The following ZFPM2 variants were observed in gnomAD, a reference collection of about 807,000 sequenced individuals.
ZFPM2 encodes zinc finger protein ZFPM2.
In ZFPM2, 20 loss-of-function variants were observed where a neutral mutation model predicts 98.6. The observed-to-expected ratio is 0.20, with a 90% CI of 0.14 to 0.29. ZFPM2 has a LOEUF of 0.29. Among genes scored for constraint, ZFPM2 ranks in the 10% least tolerant of loss-of-function variants. ZFPM2 has a pLI of 1.00. For missense variants in ZFPM2, 1,310 were observed against 1,388.6 expected (o/e 0.94, Z 0.90); for synonymous variants, 518 against 502.7 (o/e 1.03, Z -0.41).
chr8:105,430,043 T>G (rs1272176318), intron 2 of ZFPM2, among the ~76,000 whole-genome samples: 1 of 152,184 alleles, frequency 6.6e-6, no homozygotes, highest in Non-Finnish European at 1.5e-5. Context: ...TGGGTGTCGC[T>G]TCAGAATTCT....
At chr8:105,549,601 C>G (rs957589471) in intron 3 of ZFPM2, among the ~76,000 whole-genome samples, 2 of 114,630 alleles carry the variant, frequency 1.7e-5, no homozygotes, top group African/African-American at 7.3e-5. Context: ...CTTCCTCTAT[C>G]TCTCTCTCTC....
At position 105,524,501 on chromosome 8, in the gene ZFPM2, T is replaced by A. The variant is rs768356521; in HGVS notation, c.302-36862T>A. Among the ~76,000 whole-genome samples, 630 of 148,846 alleles carry A rather than the reference T, an allele frequency of 4.2e-3. 1 individual carries two copies. Among genetic ancestry groups the A allele is most frequent in the African/African-American group, 0.014 (549 of 39,664 alleles). ...GTGTGTGTGTTTCTCTCTCTCTCTC[T>A]CACACACACACACACACTGAAACTA... On this transcript the variant is annotated intron_variant, in intron 3 of 7. Coordinates refer to ENST00000407775, the MANE Select transcript of ZFPM2 (RefSeq NM_012082.4).
chr8:105,586,156 A>C (rs1713946169), intron 4 of ZFPM2, among the ~76,000 whole-genome samples: 1 of 152,132 alleles, frequency 6.6e-6, no homozygotes, highest in Non-Finnish European at 1.5e-5. Context: ...GTTGTCCAGT[A>C]AGAATGAAAT....
chr8:105,623,343 A>G (rs1816592289), intron 4 of ZFPM2, among the ~76,000 whole-genome samples: 1 of 152,082 alleles, frequency 6.6e-6, no homozygotes, highest in Non-Finnish European at 1.5e-5. Context: ...TTTGCCATAG[A>G]CTTCTTCCAT....
chr8:105,483,833 A>C (rs1256866739), intron 3 of ZFPM2, among the ~76,000 whole-genome samples: 7 of 149,760 alleles, frequency 4.7e-5, no homozygotes, highest in Non-Finnish European at 1.0e-4. Context: ...TCCCAGGTGC[A>C]TGCCATTCTC....
chr8:105,639,972 AATG>A (rs533656863), intron 5 of ZFPM2, among the ~76,000 whole-genome samples: 55 of 152,120 alleles, frequency 3.6e-4, no homozygotes, highest in African/African-American at 1.2e-3. Context: ...TAAAGATGAA[AATG>A]ATGATATTAT....
intron 1 of ZFPM2, among the ~76,000 whole-genome samples, chr8:105,374,265 C>T (rs2929061): frequency 0.56 from 84,963 of 152,006 alleles, 23,992 homozygotes; most frequent in Admixed American, 0.63. Context: ...AATGGTATGA[C>T]GTGATCTAGA....
chr8:105,629,146 G>C (rs541346985), intron 4 of ZFPM2, among the ~76,000 whole-genome samples: 13 of 152,304 alleles, frequency 8.5e-5, no homozygotes, highest in African/African-American at 2.9e-4. Context: ...CAAGTGAATG[G>C]AGTTTGGTCC....
At chr8:105,449,494 TTGA>T (rs1326291479) in intron 3 of ZFPM2, among the ~76,000 whole-genome samples, 1 of 152,064 alleles carries the variant, frequency 6.6e-6, no homozygotes, top group Non-Finnish European at 1.5e-5. Context: ...AAACACTATA[TTGA>T]TGATTTGATG....
At chr8:105,729,996 G>C (rs895974873) in intron 5 of ZFPM2, among the ~76,000 whole-genome samples, 1 of 151,326 alleles carries the variant, frequency 6.6e-6, no homozygotes, top group Non-Finnish European at 1.5e-5. Context: ...TGTTCCTGCT[G>C]TGAGTTTCAT....
chr8:105,711,676 G>A (rs955406033), intron 5 of ZFPM2, among the ~76,000 whole-genome samples: 2 of 151,986 alleles, frequency 1.3e-5, no homozygotes, highest in African/African-American at 4.8e-5. Context: ...CCCCAGAAGT[G>A]TGTCTTTCAT....
chr8:105,330,598 A>T (rs1485635082), intron 1 of ZFPM2, among the ~76,000 whole-genome samples: 2 of 17,112 alleles, frequency 1.2e-4, no homozygotes, highest in Admixed American at 7.5e-4. Context: ...ATATATACAT[A>T]TATATATATA....
At chr8:105,492,797 A>G (rs1813383100) in intron 3 of ZFPM2, among the ~76,000 whole-genome samples, 1 of 152,196 alleles carries the variant, frequency 6.6e-6, no homozygotes, top group Non-Finnish European at 1.5e-5. Context: ...TCTGATTTTA[A>G]TGTAAATAAC....
chr8:105,730,601 C>T (rs1341931852), intron 5 of ZFPM2, among the ~76,000 whole-genome samples: 4 of 151,620 alleles, frequency 2.6e-5, no homozygotes, highest in African/African-American at 9.7e-5. Context: ...TGGATTGCCA[C>T]GTGTTCCTGA....
At chr8:105,431,832 G>A (rs117143119) in intron 2 of ZFPM2, among the ~76,000 whole-genome samples, 1 of 151,908 alleles carries the variant, frequency 6.6e-6, no homozygotes, top group Non-Finnish European at 1.5e-5. Context: ...AGGTAGAAGA[G>A]TTGCTTGGGC....
At chr8:105,729,790 G>A (rs960297819) in intron 5 of ZFPM2, among the ~76,000 whole-genome samples, 1 of 151,464 alleles carries the variant, frequency 6.6e-6, no homozygotes, top group Non-Finnish European at 1.5e-5. Context: ...CATTGTCAAA[G>A]TACAACTTGG....
At chr8:105,655,831 T>C (rs993760807) in intron 5 of ZFPM2, among the ~76,000 whole-genome samples, 3 of 152,330 alleles carry the variant, frequency 2.0e-5, no homozygotes, top group Middle Eastern at 6.8e-3. Context: ...TGATTATCGT[T>C]ACTTTTATGA....
intron 3 of ZFPM2, among the ~76,000 whole-genome samples, chr8:105,473,262 TTC>T (rs141483856): frequency 0.032 from 4,932 of 152,206 alleles, 268 homozygotes; most frequent in African/African-American, 0.11. Context: ...TCTATGATCT[TTC>T]TCTCTTTTGT....
intron 1 of ZFPM2, among the ~76,000 whole-genome samples, chr8:105,386,913 C>G (rs904485642): frequency 6.6e-6 from 1 of 152,124 alleles, no homozygotes; most frequent in African/African-American, 2.4e-5. Context: ...AAGTTCTCCA[C>G]GTCCCCACCA....
Sources: gnomAD v4.1 joint callset for allele counts (sites outside exome capture counted in the v4.1 genomes callset) on GRCh38, gnomAD v4.1.1 for gene constraint, MANE v1.5 for transcripts, NCBI Gene and HGNC (gene_info 2026-07-23, HGNC 2026-07-21) for gene names.